The following WIPI2 variants were observed in gnomAD, a reference collection of about 807,000 sequenced individuals.
The protein encoded by WIPI2 is WD repeat domain, phosphoinositide interacting 2, also known as WD repeat domain phosphoinositide-interacting protein 2.
A neutral mutation model predicts 52.3 loss-of-function variants in WIPI2; 28 were observed. That is an observed-to-expected ratio of 0.54 (90% CI 0.40 to 0.73). The LOEUF is 0.73. Among genes scored for constraint, WIPI2 ranks in the 30% least tolerant of loss-of-function variants. The pLI, the probability that WIPI2 is intolerant of heterozygous loss-of-function variation, is 0.00. For synonymous variants in WIPI2, 268 were observed against 245.0 expected (o/e 1.09, Z -0.88); for missense variants, 506 against 602.9 (o/e 0.84, Z 1.68).
intron 3 of WIPI2, 34 bp from the exon 4 acceptor site, chr7:5,214,501 A>G (rs775925629): frequency 3.1e-6 from 5 of 1,614,128 alleles, no homozygotes; most frequent in Non-Finnish European, 2.5e-6. Context: ...CCATGTGGAG[A>G]TGTTCACGCA....
In WIPI2 at chr7:5,222,585, C is replaced by G; in HGVS notation, c.670-17C>G. On this transcript the variant is annotated splice_polypyrimidine_tract_variant and intron_variant, in intron 7 of 12. Transcript: ENST00000288828. ...TTAACTCAGCTCAAATTCTTCTTTT[C>G]TCTTTTCCTTCCACAGGGGACCGTG... The G allele has an allele frequency of 6.2e-7, 1 of 1,612,500 alleles. No homozygotes were observed. Among genetic ancestry groups the G allele is most frequent in the East Asian group, 2.2e-5 (1 of 44,856 alleles).
rs199838818 is a variant in WIPI2, at chr7:5,193,182, A to C, written c.128+11A>C. On this transcript the variant is annotated intron_variant, in intron 2 of 12. Transcript: ENST00000288828. ...TCGCGCTGTTGTCTGGTTAGTTCCA[A>C]CCCTGGTTTCTGAAAGTATCACCTT... The C allele has an allele frequency of 1.4e-5, 23 of 1,612,590 alleles. No individual in the cohort carries two copies. In the Admixed American group the frequency reaches 2.8e-4, roughly 20 times the overall value.
chr7:5,228,188 G>C lies in WIPI2; in HGVS notation c.1098G>C (p.Glu366Asp), dbSNP rs529134423. The change falls in exon 11 of 13, where the codon GAG (glutamate) becomes GAC (aspartate). Residue 366 changes from glutamate to aspartate, a missense_variant. Transcript: ENST00000288828. ...MYNLDPQEGG[E>D]CALMKQHRLD... ...ACCTGGACCCCCAGGAGGGCGGCGA[G>C]TGTGCCCTGATGAAGCAGCACCGGT... The C allele has an allele frequency of 1.9e-6, 3 of 1,613,566 alleles. No individual in the cohort carries two copies. The highest frequency in any genetic ancestry group is 2.2e-5 in the East Asian group (1 of 44,866).
At chr7:5,211,879 C>G (rs201339618) in intron 3 of WIPI2, among the ~76,000 whole-genome samples, 3 of 152,156 alleles carry the variant, frequency 2.0e-5, no homozygotes, top group Non-Finnish European at 4.4e-5. Flanking sequence ...CGCCGTGGCA[C>G]CCAGTACTCA....
intron 7 of WIPI2, among the ~76,000 whole-genome samples, chr7:5,219,378 A>C (rs1183773575): frequency 6.6e-6 from 1 of 152,152 alleles, no homozygotes; most frequent in African/African-American, 2.4e-5. Flanking sequence ...TCAAAGTCTC[A>C]CTGTTAATGT....
intron 3 of WIPI2, chr7:5,214,144 A>G (rs80308832): frequency 0.038 from 24,619 of 643,902 alleles, 570 homozygotes; most frequent in Non-Finnish European, 0.045. Context: ...ACATGAGTCT[A>G]TGGAACCCAG....
Position 5,226,173 on chromosome 7 carries a change from T to G in WIPI2, c.848+243T>G, listed in dbSNP as rs577717518. The G allele has an allele frequency of 1.8e-5, 9 of 491,660 alleles. No individual in the cohort carries two copies. In the South Asian group the frequency reaches 2.2e-4, roughly 12 times the overall value. 30.5% of individuals were successfully genotyped at this position (491,660 alleles called of 1,614,324 possible). ...GTAGACAGAGCCCTCGCGTAGGGCATGGAGGGCCCAGGTGGACATCCTTTT... is the reference window on the plus strand; with the variant it reads ...GTAGACAGAGCCCTCGCGTAGGGCAGGGAGGGCCCAGGTGGACATCCTTTT... On this transcript the variant is annotated intron_variant, in intron 9 of 12. Transcript: ENST00000288828.
chr7:5,225,799 GC>G, intron 8 of WIPI2, 23 bp from the exon 9 acceptor site: 1 of 1,587,432 alleles, frequency 6.3e-7, no homozygotes, highest in Non-Finnish European at 8.6e-7. Context: ...CCGGTGGCCC[GC>G]CCCAACCTGT....
intron 7 of WIPI2, among the ~76,000 whole-genome samples, chr7:5,222,167 T>TC (rs1783175126): frequency 6.6e-6 from 1 of 152,226 alleles, no homozygotes; most frequent in African/African-American, 2.4e-5. Flanking sequence ...CAGGCTGGTC[T>TC]CAAACTCCTG....
chr7:5,199,737 C>CA (rs1781934826), intron 3 of WIPI2, 79 bp downstream of exon 3: 2 of 1,387,528 alleles, frequency 1.4e-6, no homozygotes, highest in Admixed American at 2.2e-5. Context: ...ATCTAAAATT[C>CA]AGACGCTGTG....
intron 2 of WIPI2, among the ~76,000 whole-genome samples, chr7:5,196,835 G>C (rs1222545574): frequency 1.3e-5 from 2 of 151,978 alleles, no homozygotes; most frequent in Non-Finnish European, 2.9e-5. Flanking sequence ...CTACAGGCCG[G>C]GCATGGTGGC....
chr7:5,195,774 G>T (rs4724453), intron 2 of WIPI2, among the ~76,000 whole-genome samples: 32,365 of 152,070 alleles, frequency 0.21, 4,173 homozygotes, highest in Admixed American at 0.41. Flanking sequence ...AGGCACGGTG[G>T]TCACGCCTGT....
chr7:5,212,421 G>T lies in WIPI2; in HGVS notation c.212-2114G>T, dbSNP rs117245652. On this transcript the variant is annotated intron_variant, in intron 3 of 12. Coordinates refer to ENST00000288828, the MANE Select transcript of WIPI2 (RefSeq NM_015610.4). Reference sequence around the variant, plus strand: ...GAGAGTGAGAGGCTAGACAGTGGCCGGGGAAGGGCCTTGTGCCCCTGGATT... The same window carrying T: ...GAGAGTGAGAGGCTAGACAGTGGCCTGGGAAGGGCCTTGTGCCCCTGGATT... Among the ~76,000 whole-genome samples, 464 of 152,310 alleles carry T rather than the reference G, an allele frequency of 3.0e-3. 12 individuals are homozygous for T. In the East Asian group the frequency reaches 0.049, roughly 16 times the overall value.
chr7:5,209,274 T>G (rs538241277), intron 3 of WIPI2, among the ~76,000 whole-genome samples: 7 of 152,214 alleles, frequency 4.6e-5, no homozygotes, highest in Non-Finnish European at 1.0e-4. Context: ...TTCTAATGTT[T>G]GTGCCTTTTA....
chr7:5,231,024 C>A lies in WIPI2; in HGVS notation c.*77C>A. 5 of 1,277,870 alleles carry A rather than the reference C, an allele frequency of 3.9e-6. No homozygotes were observed. The highest frequency in any genetic ancestry group is 1.5e-5 in the South Asian group (1 of 67,548). 79.2% of individuals were successfully genotyped at this position (1,277,870 alleles called of 1,614,324 possible). A position where few individuals can be genotyped will look rare whatever the true frequency, so the allele number is the denominator to read the frequency against. On this transcript the variant is annotated 3_prime_UTR_variant, in exon 13 of 13. Transcript: ENST00000288828. The stretch of plus-strand genomic sequence containing the variant: ...GGACTTTGTGCATTGCTGCTATGAA[C>A]TTTGACCTGAGTCGGGGGAGAGGAT...
intron 3 of WIPI2, among the ~76,000 whole-genome samples, chr7:5,200,176 T>G (rs1781954867): frequency 6.6e-6 from 1 of 152,246 alleles, no homozygotes; most frequent in African/African-American, 2.4e-5. Context: ...TCTCTGGGCC[T>G]CAGTTTCTTT....
intron 6 of WIPI2, 51 bp from the exon 7 acceptor site, chr7:5,217,871 C>T (rs753345203): frequency 7.6e-6 from 12 of 1,585,518 alleles, no homozygotes; most frequent in Admixed American, 3.3e-5. Flanking sequence ...AGCCCTGGGG[C>T]GTGGGCGGTC....
intron 3 of WIPI2, among the ~76,000 whole-genome samples, chr7:5,210,517 G>C (rs1217582976): frequency 6.6e-6 from 1 of 152,176 alleles, no homozygotes; most frequent in Non-Finnish European, 1.5e-5. Flanking sequence ...ACAGGGCCCT[G>C]GGCCCACATC....
At chr7:5,190,678 C>T (rs1781435319) in intron 1 of WIPI2, 185 bp downstream of exon 1, 1 of 468,104 alleles carries the variant, frequency 2.1e-6, no homozygotes, top group South Asian at 6.2e-5. Context: ...GGGAGACCCT[C>T]GGGTGCTGGC....
Sources: gnomAD v4.1 joint callset for allele counts (sites outside exome capture counted in the v4.1 genomes callset) on GRCh38, gnomAD v4.1.1 for gene constraint, MANE v1.5 for transcripts, NCBI Gene and HGNC (gene_info 2026-07-23, HGNC 2026-07-21) for gene names.